Variants in COLEC12 observed in about 807,000 individuals in gnomAD.
COLEC12 encodes collectin-12.
In COLEC12, 33 loss-of-function variants were observed where a neutral mutation model predicts 71.1. The observed-to-expected ratio is 0.46, with a 90% confidence interval of 0.35 to 0.62. The LOEUF (loss-of-function observed/expected upper bound fraction) is 0.62. Ranked by LOEUF, COLEC12 falls within the 20% of genes least tolerant of loss-of-function variation. The probability of loss-of-function intolerance (pLI) is 0.00; values close to 1 mark genes in which losing one functional copy is unlikely to be tolerated. For synonymous variants in COLEC12, 350 were observed against 353.0 expected, an observed-to-expected ratio of 0.99 and a Z score of 0.10; for missense variants, 765 against 916.1, an observed-to-expected ratio of 0.84 and a Z score of 2.13.
chr18:365,924 TC>T (rs1397998819), intron 2 of COLEC12, among the ~76,000 whole-genome samples: 1 of 151,840 alleles, frequency 6.6e-6, no homozygotes, highest in Non-Finnish European at 1.5e-5. Context: ...TCTCTCCTAC[TC>T]CCCCCACCCC....
At chr18:369,713 A>G (rs1914958871) in intron 2 of COLEC12, among the ~76,000 whole-genome samples, 1 of 152,174 alleles carries the variant, frequency 6.6e-6, no homozygotes, top group African/African-American at 2.4e-5. Flanking sequence ...TCCTAGTGAA[A>G]CTGAGAATGT....
At chr18:363,508 G>C (rs971450679) in intron 2 of COLEC12, among the ~76,000 whole-genome samples, 1 of 152,122 alleles carries the variant, frequency 6.6e-6, no homozygotes, top group Non-Finnish European at 1.5e-5. Context: ...TCTGAGATTC[G>C]CAGTGAACTT....
chr18:432,025 C>A (rs939614294), intron 2 of COLEC12, among the ~76,000 whole-genome samples: 4 of 152,142 alleles, frequency 2.6e-5, no homozygotes, highest in African/African-American at 9.7e-5. Context: ...AAAATCCAAC[C>A]CAAGAAGGCT....
intron 1 of COLEC12, among the ~76,000 whole-genome samples, chr18:484,278 T>C (rs1038196734): frequency 6.6e-6 from 1 of 152,226 alleles, no homozygotes; most frequent in African/African-American, 2.4e-5. Context: ...TTTAGCTGTG[T>C]CCTGCTTCTA....
intron 3 of COLEC12, among the ~76,000 whole-genome samples, chr18:350,301 T>C (rs149681103): frequency 0.012 from 1,805 of 152,310 alleles, 26 homozygotes; most frequent in Non-Finnish European, 0.019. Flanking sequence ...CTCTTGCTGC[T>C]GCCGTGTAAG....
chr18:377,739 C>A (rs1915144218), intron 2 of COLEC12, among the ~76,000 whole-genome samples: 1 of 152,148 alleles, frequency 6.6e-6, no homozygotes, highest in Admixed American at 6.5e-5. Flanking sequence ...TATTCAGAGC[C>A]TGAGCTTGGA....
intron 2 of COLEC12, among the ~76,000 whole-genome samples, chr18:382,899 T>C (rs946326996): frequency 1.3e-5 from 2 of 152,258 alleles, no homozygotes; most frequent in Admixed American, 1.3e-4. Flanking sequence ...AATTATAGTA[T>C]TGAGCATCAC....
chr18:434,882 A>G (rs1916373523), intron 2 of COLEC12, among the ~76,000 whole-genome samples: 1 of 152,106 alleles, frequency 6.6e-6, no homozygotes, highest in South Asian at 2.1e-4. Flanking sequence ...CATCCTGGCT[A>G]GCCACATATC....
intron 2 of COLEC12, among the ~76,000 whole-genome samples, chr18:363,021 T>G (rs1914780016): frequency 6.6e-6 from 1 of 151,586 alleles, no homozygotes; most frequent in South Asian, 2.1e-4. Flanking sequence ...ACATTTCAAG[T>G]AAGAAGCTGG....
At chr18:495,804 G>A (rs373473830) in intron 1 of COLEC12, among the ~76,000 whole-genome samples, 4 of 152,320 alleles carry the variant, frequency 2.6e-5, no homozygotes, top group Non-Finnish European at 4.4e-5. Flanking sequence ...GATTACACAT[G>A]TGATTCTGGA....
rs192970924 is a variant in COLEC12 at position 457,875 on chromosome 18, G to A, written c.58+22832C>T. The stretch of plus-strand genomic sequence containing the variant: ...GTTTAGTGCTTACGATTGAGGAGAC[G>A]GCGTATCTTACTGGCAGGATATAGG... On this transcript the variant is annotated intron_variant, in intron 2 of 9. Coordinates refer to ENST00000400256, the MANE Select transcript of COLEC12 (RefSeq NM_130386.3). 7.2e-5 allele frequency among the ~76,000 whole-genome samples: 11 copies of A among 152,238 alleles called. No homozygotes were observed. In the East Asian group the frequency reaches 9.7e-4, roughly 13 times the overall value.
At chr18:337,868 C>A (rs1291680032) in intron 5 of COLEC12, among the ~76,000 whole-genome samples, 1 of 152,238 alleles carries the variant, frequency 6.6e-6, no homozygotes, top group Admixed American at 6.5e-5. Context: ...TTTCCTCGCC[C>A]TGACCCTGGT....
intron 2 of COLEC12, among the ~76,000 whole-genome samples, chr18:397,972 G>A (rs1915605277): frequency 6.6e-6 from 1 of 152,180 alleles, no homozygotes; most frequent in Non-Finnish European, 1.5e-5. Flanking sequence ...AAAAGGGAAG[G>A]GAAGTTACAG....
chr18:434,447 T>C (rs552837745), intron 2 of COLEC12, among the ~76,000 whole-genome samples: 11 of 152,378 alleles, frequency 7.2e-5, no homozygotes, highest in South Asian at 2.1e-4. Flanking sequence ...CTGGGGCTAA[T>C]GTTTTGCTTC....
At chr18:350,702 T>C (rs112197760) in intron 3 of COLEC12, among the ~76,000 whole-genome samples, 1,692 of 151,676 alleles carry the variant, frequency 0.011, 28 homozygotes, top group African/African-American at 0.039. Flanking sequence ...CTGGGGTGGG[T>C]GGATCATTTG....
chr18:480,707 C>G lies in COLEC12; in HGVS notation c.58G>C (p.Gly20Arg). 6.2e-7 allele frequency: 1 copy of G among 1,613,978 alleles called. No individual in the cohort carries two copies. The highest frequency in any genetic ancestry group is 8.5e-7 in the Non-Finnish European group (1 of 1,179,882). ...EVQSFGYKRF[G>R]IQEGTQCTKC... ...GGAACACAGCTTTGTTAGGACTCAC[C>G]AAACCGCTTGTAACCGAAGGATTGC... is the stretch of plus-strand genomic sequence containing the variant. The change falls in exon 2 of 10, where the codon GGT (glycine) becomes CGT (arginine). Residue 20 changes from glycine (G) to arginine (R), a missense_variant and splice_region_variant. Transcript: ENST00000400256. The surrounding 1 kb of genome is among the most constrained non-coding windows in gnomAD (Gnocchi z 4.1).
chr18:458,493 C>T (rs1040943371), intron 2 of COLEC12, among the ~76,000 whole-genome samples: 2 of 152,218 alleles, frequency 1.3e-5, no homozygotes, highest in South Asian at 2.1e-4. Flanking sequence ...TTGGCCCTCT[C>T]CTCTAGCCAC....
chr18:367,730 G>A (rs1166202519), intron 2 of COLEC12, among the ~76,000 whole-genome samples: 1 of 152,238 alleles, frequency 6.6e-6, no homozygotes, highest in Non-Finnish European at 1.5e-5. Flanking sequence ...CACGACGCCT[G>A]TGAGGGGAGA....
At chr18:377,958 T>C (rs902066643) in intron 2 of COLEC12, among the ~76,000 whole-genome samples, 2 of 152,092 alleles carry the variant, frequency 1.3e-5, no homozygotes. Flanking sequence ...CATCTGGACA[T>C]TGAAACAACC....
Sources: gnomAD v4.1 joint callset for allele counts (sites outside exome capture counted in the v4.1 genomes callset) on GRCh38, gnomAD v4.1.1 for gene constraint, Gnocchi (gnomAD v3.1) non-coding constraint, MANE v1.5 for transcripts, NCBI Gene and HGNC (gene_info 2026-07-23, HGNC 2026-07-21) for gene names.